The following FLI1 variants were observed in gnomAD, a reference collection of about 807,000 sequenced individuals.
FLI1 encodes Friend leukemia integration 1 transcription factor.
FLI1 carries 13 observed loss-of-function variants against 53.1 expected under a neutral mutation model. That is an observed-to-expected ratio of 0.24 (90% CI 0.16 to 0.39). FLI1 has a LOEUF of 0.39. FLI1 is among the 10% of genes least tolerant of loss of function. The pLI is 1.00. For missense variants in FLI1, 424 were observed against 600.5 expected (o/e 0.71, Z 3.07); for synonymous variants, 244 against 236.7 (o/e 1.03, Z -0.28).
intron 5 of FLI1, among the ~76,000 whole-genome samples, chr11:128,801,362 T>C (rs962265047): frequency 1.3e-5 from 2 of 152,210 alleles, no homozygotes; most frequent in Non-Finnish European, 2.9e-5. Context: ...TATCTCTGTG[T>C]GTATGTTGGG....
In FLI1 at chr11:128,773,125, A is replaced by G. The variant is rs1941625896; in HGVS notation, c.589+140A>G. 7.9e-6 allele frequency: 6 copies of G among 761,078 alleles called. No individual in the cohort carries two copies. The East Asian group carries it at 1.5e-4, about 19-fold the overall frequency. 47.1% of individuals were successfully genotyped at this position (761,078 alleles called of 1,614,324 possible). A position where few individuals can be genotyped will look rare whatever the true frequency, so the allele number is the denominator to read the frequency against. ...TGGGGCCTGTAGTGTTGCCAAGGTC[A>G]CGTGGGCTCCTACAGACCCTGTGAG... On this transcript the variant is annotated intron_variant, in intron 4 of 8. Coordinates refer to ENST00000527786, the MANE Select transcript of FLI1 (RefSeq NM_002017.5).
At chr11:128,751,998 C>A (rs1940669010) in intron 1 of FLI1, among the ~76,000 whole-genome samples, 1 of 151,556 alleles carries the variant, frequency 6.6e-6, no homozygotes, top group Non-Finnish European at 1.5e-5. Flanking sequence ...TCTTTGGAGA[C>A]AGAGGCTCAC....
chr11:128,778,735 A>G (rs1422351159), intron 4 of FLI1, among the ~76,000 whole-genome samples: 1 of 152,210 alleles, frequency 6.6e-6, no homozygotes, highest in South Asian at 2.1e-4. Context: ...ATGTGCTGGC[A>G]TCGGGAAGGT....
chr11:128,710,347 T>G (rs1419703401), intron 1 of FLI1, among the ~76,000 whole-genome samples: 4 of 152,206 alleles, frequency 2.6e-5, no homozygotes, highest in African/African-American at 7.2e-5. Flanking sequence ...ATCTTTTTAT[T>G]GAACGCATTG....
chr11:128,727,912 G>GC (rs1002789574), intron 1 of FLI1, among the ~76,000 whole-genome samples: 11 of 152,326 alleles, frequency 7.2e-5, no homozygotes, highest in Admixed American at 4.6e-4. Flanking sequence ...AGGAGTTAAA[G>GC]CGGGGAGAAG....
chr11:128,686,557 C>A, exon 1 of FLI1: 1 of 440,150 alleles, frequency 2.3e-6, no homozygotes, highest in Non-Finnish European at 4.6e-6. Context: ...TCTGCATCCC[C>A]ACTTCATCAC....
At chr11:128,809,713 ACT>A (rs996014518) in intron 8 of FLI1, among the ~76,000 whole-genome samples, 2 of 152,164 alleles carry the variant, frequency 1.3e-5, no homozygotes, top group South Asian at 4.1e-4. Context: ...ATCAAAAATA[ACT>A]CTCAAGAGGG....
At chr11:128,783,001 G>A (rs76617434) in intron 5 of FLI1, among the ~76,000 whole-genome samples, 7 of 152,118 alleles carry the variant, frequency 4.6e-5, no homozygotes, top group African/African-American at 1.2e-4. Context: ...AAATATTTGC[G>A]CGGCATAGCA....
In FLI1 at chr11:128,772,672, G is replaced by A. The variant is rs975687964; in HGVS notation, c.386-110G>A. 3 of 853,834 alleles carry A rather than the reference G, an allele frequency of 3.5e-6. No homozygotes were observed. The African/African-American group carries it at 5.0e-5, about 14-fold the overall frequency. 52.9% of individuals were successfully genotyped at this position (853,834 alleles called of 1,614,324 possible). ...CCATGTGGAAGGGAGCTCTCCCAGA[G>A]AGAAAGAGAAGGGAAAGAAAGAGGG... On this transcript the variant is annotated intron_variant, in intron 3 of 8. Transcript: ENST00000527786.
At chr11:128,801,563 T>C (rs1415628896) in intron 5 of FLI1, among the ~76,000 whole-genome samples, 2 of 152,192 alleles carry the variant, frequency 1.3e-5, no homozygotes, top group Non-Finnish European at 2.9e-5. Context: ...AATAGGTGGA[T>C]TGTGGTCCAC....
At chr11:128,730,596 T>TGGG (rs1390762918) in intron 1 of FLI1, among the ~76,000 whole-genome samples, 3 of 152,196 alleles carry the variant, frequency 2.0e-5, no homozygotes, top group Admixed American at 6.5e-5. Flanking sequence ...AGAACAAAGG[T>TGGG]GGTCTGTGGT....
At position 128,782,042 on chromosome 11, in the gene FLI1, G is replaced by A. The variant is rs1421097831; in HGVS notation, c.655+19G>A. On this transcript the variant is annotated intron_variant, in intron 5 of 8. Coordinates refer to ENST00000527786, the MANE Select transcript of FLI1 (RefSeq NM_002017.5). Reference sequence around the variant, plus strand: ...AAAGAAGGTAAGTTTGTTCTTTTGTGCACTTAAAATTTTCTTCTGTACCAG... The same window carrying A: ...AAAGAAGGTAAGTTTGTTCTTTTGTACACTTAAAATTTTCTTCTGTACCAG... 14 of 1,606,438 alleles carry A rather than the reference G, an allele frequency of 8.7e-6. No homozygotes were observed. The East Asian group carries it at 1.3e-4, about 15-fold the overall frequency.
At chr11:128,730,328 T>G (rs993445247) in intron 1 of FLI1, among the ~76,000 whole-genome samples, 4 of 152,192 alleles carry the variant, frequency 2.6e-5, no homozygotes, top group Non-Finnish European at 5.9e-5. Flanking sequence ...AGGCCACACG[T>G]TTACGCTCAC....
chr11:128,685,133 G>A (rs930385698), upstream of FLI1, among the ~76,000 whole-genome samples: 1 of 152,252 alleles, frequency 6.6e-6, no homozygotes, highest in African/African-American at 2.4e-5. Flanking sequence ...GAAAGCTTCA[G>A]TGCACGCATA....
chr11:128,733,570 A>G (rs993578600), intron 1 of FLI1, among the ~76,000 whole-genome samples: 2 of 152,242 alleles, frequency 1.3e-5, no homozygotes, highest in African/African-American at 2.4e-5. Flanking sequence ...AGTCACAGAC[A>G]GCAAATCCAA....
At chr11:128,804,559 C>G (rs1942725334) in intron 5 of FLI1, 1 of 152,168 alleles carries the variant, frequency 6.6e-6, no homozygotes, top group African/African-American at 2.4e-5. Context: ...AACTGAGAAG[C>G]AAGCCCTTAG....
intron 1 of FLI1, among the ~76,000 whole-genome samples, chr11:128,696,775 T>G (rs1325990867): frequency 6.6e-6 from 1 of 152,254 alleles, no homozygotes; most frequent in African/African-American, 2.4e-5. Flanking sequence ...TGTGATTTTA[T>G]GCACCTGCAT....
At chr11:128,785,527 A>G (rs2135872356) in intron 5 of FLI1, among the ~76,000 whole-genome samples, 1 of 152,224 alleles carries the variant, frequency 6.6e-6, no homozygotes, top group Non-Finnish European at 1.5e-5. Context: ...TCCAGCTGCC[A>G]TTCTGCAAAA....
chr11:128,747,597 A>C (rs1015681013), intron 1 of FLI1, among the ~76,000 whole-genome samples: 1 of 152,248 alleles, frequency 6.6e-6, no homozygotes, highest in Non-Finnish European at 1.5e-5. Context: ...AGTAAGTCTC[A>C]ACATCTCAGT....
Sources: allele counts gnomAD v4.1 joint callset (sites outside exome capture counted in the v4.1 genomes callset), GRCh38; gene constraint gnomAD v4.1.1; transcripts MANE v1.5; gene names NCBI Gene and HGNC (gene_info 2026-07-23, HGNC 2026-07-21).